The following ST8SIA1 variants were observed in gnomAD, a reference collection of about 807,000 sequenced individuals.
ST8SIA1 encodes alpha-N-acetylneuraminide alpha-2,8-sialyltransferase.
ST8SIA1 carries 16 observed loss-of-function variants against 35.9 expected under a neutral mutation model. That is an observed-to-expected ratio of 0.45 (90% CI 0.30 to 0.68). The LOEUF is 0.68. ST8SIA1 is among the 30% of genes least tolerant of loss of function. The probability of loss-of-function intolerance (pLI) is 0.09; values close to 1 mark genes in which losing one functional copy is unlikely to be tolerated. For missense variants in ST8SIA1, 383 were observed against 453.6 expected, an observed-to-expected ratio of 0.84 and a Z score of 1.41; for synonymous variants, 170 against 169.6, an observed-to-expected ratio of 1.00 and a Z score of -0.02.
At chr12:22,253,189 G>A (rs113256363) in intron 3 of ST8SIA1, among the ~76,000 whole-genome samples, 1 of 152,280 alleles carries the variant, frequency 6.6e-6, no homozygotes, top group African/African-American at 2.4e-5. Context: ...GTAAAATAAT[G>A]CACTGTAGGT....
At chr12:22,250,265 T>A (rs1203239655) in intron 3 of ST8SIA1, among the ~76,000 whole-genome samples, 1 of 152,226 alleles carries the variant, frequency 6.6e-6, no homozygotes, top group Non-Finnish European at 1.5e-5. Context: ...AGTTTCTCCA[T>A]TATACAAAAT....
intron 4 of ST8SIA1, among the ~76,000 whole-genome samples, chr12:22,232,230 G>A (rs1383283050): frequency 6.6e-6 from 1 of 152,206 alleles, no homozygotes; most frequent in Non-Finnish European, 1.5e-5. Flanking sequence ...GCACAGTGGT[G>A]AGGCTGGAAG....
chr12:22,298,346 C>T (rs879483210), intron 1 of ST8SIA1, among the ~76,000 whole-genome samples: 10 of 152,114 alleles, frequency 6.6e-5, no homozygotes, highest in South Asian at 6.2e-4. Context: ...CATCTAAAGT[C>T]GGGGGCAGTC....
chr12:22,248,827 A>G lies in ST8SIA1; in HGVS notation c.584+179T>C, dbSNP rs972377949. 9.4e-6 allele frequency: 5 copies of G among 530,878 alleles called. No homozygotes were observed. In the African/African-American group the frequency reaches 9.6e-5, roughly 10 times the overall value. 32.9% of individuals were successfully genotyped at this position (530,878 alleles called of 1,614,324 possible). A position where few individuals can be genotyped will look rare whatever the true frequency, so the allele number is the denominator to read the frequency against. Reference sequence around the variant, plus strand: ...CAGAATCCCAGAGGAAGCATAAAATATTGTTTGGATTCCCATAATCCTGTT... The same window carrying G: ...CAGAATCCCAGAGGAAGCATAAAATGTTGTTTGGATTCCCATAATCCTGTT... On this transcript the variant is annotated intron_variant, in intron 4 of 4. Coordinates refer to ENST00000396037, the MANE Select transcript of ST8SIA1 (RefSeq NM_003034.4).
At chr12:22,269,424 C>T (rs1000830581) in intron 2 of ST8SIA1, among the ~76,000 whole-genome samples, 1 of 152,044 alleles carries the variant, frequency 6.6e-6, no homozygotes, top group Non-Finnish European at 1.5e-5. Context: ...TCCTAAATGG[C>T]TTGTTTTCTA....
chr12:22,252,577 G>T (rs1014073203), intron 3 of ST8SIA1, among the ~76,000 whole-genome samples: 2 of 152,102 alleles, frequency 1.3e-5, no homozygotes, highest in African/African-American at 4.8e-5. Flanking sequence ...TCTAGTTATG[G>T]TGCTACCTTC....
intron 1 of ST8SIA1, among the ~76,000 whole-genome samples, chr12:22,328,525 A>G (rs961010911): frequency 6.6e-6 from 1 of 152,200 alleles, no homozygotes; most frequent in Non-Finnish European, 1.5e-5. Flanking sequence ...TCTCATCATT[A>G]TCCTATAAAT....
intron 4 of ST8SIA1, among the ~76,000 whole-genome samples, chr12:22,216,564 G>A (rs141622295): frequency 3.0e-4 from 46 of 152,180 alleles, no homozygotes; most frequent in African/African-American, 1.1e-3. Flanking sequence ...CCTGGATTAG[G>A]TATCTAACTT....
At chr12:22,328,537 C>G (rs990781577) in intron 1 of ST8SIA1, among the ~76,000 whole-genome samples, 15 of 152,062 alleles carry the variant, frequency 9.9e-5, no homozygotes, top group African/African-American at 3.4e-4. Context: ...CCTATAAATT[C>G]CAAGAAAACA....
At chr12:22,274,309 C>T (rs916763659) in intron 2 of ST8SIA1, among the ~76,000 whole-genome samples, 2 of 152,114 alleles carry the variant, frequency 1.3e-5, no homozygotes, top group East Asian at 1.9e-4. Context: ...CAAGCTACAG[C>T]GTGGTAATGG....
intron 1 of ST8SIA1, among the ~76,000 whole-genome samples, chr12:22,321,185 G>A (rs1037846686): frequency 6.6e-6 from 1 of 152,196 alleles, no homozygotes. Flanking sequence ...AAAGCGGAAA[G>A]GGAGACGGAA....
chr12:22,279,650 C>T (rs1411785473), intron 2 of ST8SIA1, among the ~76,000 whole-genome samples: 1 of 152,226 alleles, frequency 6.6e-6, no homozygotes, highest in Non-Finnish European at 1.5e-5. Flanking sequence ...ACTAGCAGCA[C>T]ATCATGTTAC....
At chr12:22,250,004 G>T (rs1565577777) in intron 3 of ST8SIA1, among the ~76,000 whole-genome samples, 1 of 152,096 alleles carries the variant, frequency 6.6e-6, no homozygotes, top group Non-Finnish European at 1.5e-5. Flanking sequence ...AGGTATAATG[G>T]CTCATCATCC....
chr12:22,320,244 T>G (rs947846881), intron 1 of ST8SIA1, among the ~76,000 whole-genome samples: 1 of 152,188 alleles, frequency 6.6e-6, no homozygotes, highest in African/African-American at 2.4e-5. Context: ...CAAAGACTTA[T>G]CCGGGGAATA....
chr12:22,275,456 A>T (rs566281017), intron 2 of ST8SIA1, among the ~76,000 whole-genome samples: 2 of 152,252 alleles, frequency 1.3e-5, no homozygotes, highest in Admixed American at 1.3e-4. Context: ...TCGGAGGCTG[A>T]GGCAGGAGAA....
intron 2 of ST8SIA1, among the ~76,000 whole-genome samples, chr12:22,276,810 G>A (rs917425140): frequency 3.3e-5 from 5 of 150,310 alleles, no homozygotes; most frequent in Non-Finnish European, 3.0e-5. Flanking sequence ...GAGAGAGAGA[G>A]AAAAAGAGAT....
intron 4 of ST8SIA1, among the ~76,000 whole-genome samples, chr12:22,218,731 A>C (rs1865263066): frequency 6.6e-6 from 1 of 151,816 alleles, no homozygotes; most frequent in Non-Finnish European, 1.5e-5. Context: ...GAGACAAAAG[A>C]ATTGCTTGAA....
At chr12:22,264,355 C>G (rs1273119869) in intron 2 of ST8SIA1, among the ~76,000 whole-genome samples, 1 of 152,130 alleles carries the variant, frequency 6.6e-6, no homozygotes, top group African/African-American at 2.4e-5. Flanking sequence ...TCCCTGTACC[C>G]CAGTCACTTT....
intron 4 of ST8SIA1, among the ~76,000 whole-genome samples, chr12:22,207,081 C>T (rs563069695): frequency 8.5e-5 from 13 of 152,242 alleles, no homozygotes; most frequent in African/African-American, 3.1e-4. Context: ...AAATACAGCT[C>T]CAGATGAATG....
Sources: gnomAD v4.1 joint callset for allele counts (sites outside exome capture counted in the v4.1 genomes callset) on GRCh38, gnomAD v4.1.1 for gene constraint, MANE v1.5 for transcripts, NCBI Gene and HGNC (gene_info 2026-07-23, HGNC 2026-07-21) for gene names.